The following RSRC1 variants were observed in gnomAD, a reference collection of about 807,000 sequenced individuals.
RSRC1 encodes arginine and serine rich coiled-coil 1.
A neutral mutation model predicts 49.1 loss-of-function variants in RSRC1; 39 were observed. That is an observed-to-expected ratio of 0.79 (90% CI 0.61 to 1.04). The LOEUF is 1.04. Ranked by LOEUF, RSRC1 falls within the 50% of genes least tolerant of loss-of-function variation. The pLI is 0.00. For missense variants in RSRC1, 388 were observed against 402.4 expected, an observed-to-expected ratio of 0.96 and a Z score of 0.31; for synonymous variants, 143 against 130.8, an observed-to-expected ratio of 1.09 and a Z score of -0.63.
intron 7 of RSRC1, chr3:158,469,545 C>CTGTATAGCTAAAGCCTGTAAACATA (rs1273066843): frequency 6.8e-6 from 1 of 146,414 alleles, no homozygotes; most frequent in Non-Finnish European, 1.5e-5. Context: ...TAGCTAAAGC[C>CTGTATAGCTAAAGCCTGTAAACATA]TGTATAATAT....
In RSRC1 at chr3:158,544,201, G is replaced by A. The variant is rs758572352; in HGVS notation, c.931G>A (p.Asp311Asn). The A allele has an allele frequency of 2.5e-6, 4 of 1,611,628 alleles. No homozygotes were observed. The highest frequency in any genetic ancestry group is 3.4e-6 in the Non-Finnish European group (4 of 1,178,824). The change falls in exon 10 of 10, where the codon GAT becomes AAT. Residue 311 changes from aspartate to asparagine, a missense_variant. Asp to Asn is a conservative substitution (Grantham distance 23). Coordinates refer to ENST00000611884, the MANE Select transcript of RSRC1 (RefSeq NM_001271838.2). ...AHPNLFIEKA[D>N]AEEKWFKRLI... ...ATTTCAGTTATTTATCGAGAAAGCT[G>A]ATGCTGAGGAAAAATGGTTCAAGAG...
At chr3:158,254,660 C>T (rs1423963145) in intron 4 of RSRC1, among the ~76,000 whole-genome samples, 2 of 152,074 alleles carry the variant, frequency 1.3e-5, no homozygotes, top group Non-Finnish European at 2.9e-5. Flanking sequence ...TCTTGATCTT[C>T]TGATCTCATG....
intron 6 of RSRC1, among the ~76,000 whole-genome samples, chr3:158,378,234 C>T (rs1453910661): frequency 6.6e-6 from 1 of 152,140 alleles, no homozygotes; most frequent in African/African-American, 2.4e-5. Context: ...TTATGTACCT[C>T]ATTGAGCATA....
At chr3:158,347,961 A>G (rs1307743536) in intron 5 of RSRC1, among the ~76,000 whole-genome samples, 1 of 152,238 alleles carries the variant, frequency 6.6e-6, no homozygotes, top group Non-Finnish European at 1.5e-5. Flanking sequence ...ATAGGCATGC[A>G]GTGCTTAATA....
At chr3:158,334,567 G>A (rs1340760007) in intron 5 of RSRC1, among the ~76,000 whole-genome samples, 2 of 150,408 alleles carry the variant, frequency 1.3e-5, no homozygotes, top group African/African-American at 4.9e-5. Flanking sequence ...TGCAACCTCC[G>A]ACTCCCTGGT....
At chr3:158,218,794 G>C (rs1056150969) in intron 4 of RSRC1, among the ~76,000 whole-genome samples, 3 of 151,616 alleles carry the variant, frequency 2.0e-5, no homozygotes, top group African/African-American at 4.8e-5. Flanking sequence ...GTGACTGCTG[G>C]ATGTGACCCA....
intron 4 of RSRC1, among the ~76,000 whole-genome samples, chr3:158,228,189 A>G (rs771715508): frequency 1.3e-5 from 2 of 152,008 alleles, no homozygotes; most frequent in Non-Finnish European, 2.9e-5. Flanking sequence ...AACATAATAA[A>G]ATCTCCATAG....
chr3:158,481,770 T>G (rs1738622361), intron 7 of RSRC1, among the ~76,000 whole-genome samples: 1 of 152,084 alleles, frequency 6.6e-6, no homozygotes, highest in Admixed American at 6.6e-5. Context: ...ATACTTACAG[T>G]GTACTGCTTT....
At chr3:158,120,072 G>A (rs528820585) in intron 1 of RSRC1, among the ~76,000 whole-genome samples, 189 of 152,018 alleles carry the variant, frequency 1.2e-3, no homozygotes, top group Non-Finnish European at 2.1e-3. Flanking sequence ...CTCAGGATCC[G>A]CCCGCCTCGG....
chr3:158,251,843 T>C (rs573969296), intron 4 of RSRC1, among the ~76,000 whole-genome samples: 1 of 152,322 alleles, frequency 6.6e-6, no homozygotes, highest in Admixed American at 6.5e-5. Flanking sequence ...CTAAGACTTC[T>C]ATAATTCTGT....
intron 4 of RSRC1, among the ~76,000 whole-genome samples, chr3:158,212,426 A>C (rs1245990665): frequency 1.3e-5 from 2 of 151,910 alleles, no homozygotes; most frequent in Non-Finnish European, 2.9e-5. Context: ...GTTATCAATC[A>C]TGCTACAGTT....
At chr3:158,137,565 T>G (rs767465601) in intron 3 of RSRC1, among the ~76,000 whole-genome samples, 11 of 151,922 alleles carry the variant, frequency 7.2e-5, no homozygotes, top group Non-Finnish European at 1.3e-4. Flanking sequence ...TGACCTTATT[T>G]CCAAAAATTA....
chr3:158,243,096 T>C (rs1723684052), intron 4 of RSRC1, among the ~76,000 whole-genome samples: 1 of 152,224 alleles, frequency 6.6e-6, no homozygotes, highest in South Asian at 2.1e-4. Context: ...CAATTGTTTT[T>C]GGTGTCTTTG....
intron 4 of RSRC1, among the ~76,000 whole-genome samples, chr3:158,228,717 AAAT>A (rs1722661946): frequency 6.6e-6 from 1 of 151,880 alleles, no homozygotes; most frequent in Non-Finnish European, 1.5e-5. Flanking sequence ...CCAGGTTTCT[AAAT>A]GAAGTAGATA....
rs1290317590 is a variant in RSRC1 at position 158,230,936 on chromosome 3, T to C, written c.494+27691T>C. ...TTAAGATGAGAAGGACTGTCACACG[T>C]CCTTTCTCCTGCCTTCAAAGAAAGT... On this transcript the variant is annotated intron_variant, in intron 4 of 9. Transcript: ENST00000611884. Among the ~76,000 whole-genome samples, 4 of 152,134 alleles carry C rather than the reference T, an allele frequency of 2.6e-5. No individual in the cohort carries two copies. The East Asian group carries it at 7.7e-4, about 29-fold the overall frequency.
At chr3:158,284,663 A>G (rs1441641104) in intron 4 of RSRC1, among the ~76,000 whole-genome samples, 1 of 149,542 alleles carries the variant, frequency 6.7e-6, no homozygotes, top group African/African-American at 2.5e-5. Flanking sequence ...GCATTTTTTC[A>G]TGTGGTTTTT....
At chr3:158,366,781 G>A (rs1361014467) in intron 6 of RSRC1, among the ~76,000 whole-genome samples, 2 of 152,124 alleles carry the variant, frequency 1.3e-5, no homozygotes, top group Admixed American at 6.6e-5. Flanking sequence ...CTATCCATGA[G>A]CATGGAATTT....
chr3:158,538,987 G>A (rs1205992075), intron 8 of RSRC1, among the ~76,000 whole-genome samples: 1 of 151,926 alleles, frequency 6.6e-6, no homozygotes, highest in Non-Finnish European at 1.5e-5. Context: ...GATTCAGGAT[G>A]CCCAAGAAGC....
At chr3:158,210,058 T>TC (rs1721577965) in intron 4 of RSRC1, among the ~76,000 whole-genome samples, 1 of 152,078 alleles carries the variant, frequency 6.6e-6, no homozygotes, top group Non-Finnish European at 1.5e-5. Context: ...GGACTCTGAG[T>TC]TTTGACAGCA....
Sources: gnomAD v4.1 joint callset for allele counts (sites outside exome capture counted in the v4.1 genomes callset) on GRCh38, gnomAD v4.1.1 for gene constraint, MANE v1.5 for transcripts, NCBI Gene and HGNC (gene_info 2026-07-23, HGNC 2026-07-21) for gene names.